FUT8: variants seen among roughly 807,000 people sequenced by gnomAD.
FUT8 encodes the protein alpha-(1,6)-fucosyltransferase.
Under a neutral mutation model 71.3 loss-of-function variants are expected in FUT8, and 29 were observed. The observed-to-expected ratio is 0.41, with a 90% CI of 0.30 to 0.55. The LOEUF is 0.55. Among genes scored for constraint, FUT8 ranks in the 20% least tolerant of loss-of-function variants. The probability of loss-of-function intolerance (pLI) is 0.34; values close to 1 mark genes in which losing one functional copy is unlikely to be tolerated. For synonymous variants in FUT8, 254 were observed against 239.3 expected, an observed-to-expected ratio of 1.06 and a Z score of -0.57; for missense variants, 544 against 702.1, an observed-to-expected ratio of 0.77 and a Z score of 2.55.
intron 7 of FUT8, among the ~76,000 whole-genome samples, chr14:65,690,629 ATCTC>A (rs58811272): frequency 2.0e-4 from 29 of 144,832 alleles, no homozygotes; most frequent in Admixed American, 7.5e-4. Flanking sequence ...TCATCCCTTT[ATCTC>A]TCTCTCTCTC....
At chr14:65,422,989 T>C (rs1249990808) in intron 1 of FUT8, among the ~76,000 whole-genome samples, 3 of 148,024 alleles carry the variant, frequency 2.0e-5, no homozygotes, top group Middle Eastern at 3.2e-3. Context: ...TCTTTCTTTT[T>C]TTTTTTTTTT....
intron 3 of FUT8, among the ~76,000 whole-genome samples, chr14:65,580,512 A>T (rs1271943514): frequency 6.6e-6 from 1 of 151,986 alleles, no homozygotes; most frequent in Non-Finnish European, 1.5e-5. Flanking sequence ...TGTATATAAC[A>T]CACTATGTAT....
intron 6 of FUT8, among the ~76,000 whole-genome samples, chr14:65,656,114 A>G (rs1018926505): frequency 6.6e-6 from 1 of 152,200 alleles, no homozygotes; most frequent in African/African-American, 2.4e-5. Flanking sequence ...TAGAGTAATC[A>G]GACAAGAGAA....
chr14:65,568,237 C>T (rs1365857749), intron 3 of FUT8, among the ~76,000 whole-genome samples: 1 of 151,530 alleles, frequency 6.6e-6, no homozygotes, highest in Non-Finnish European at 1.5e-5. Context: ...ATTTTCTTCT[C>T]CATACTTGTA....
At chr14:65,661,371 A>G (rs1891956023) in intron 6 of FUT8, among the ~76,000 whole-genome samples, 1 of 152,178 alleles carries the variant, frequency 6.6e-6, no homozygotes, top group Non-Finnish European at 1.5e-5. Context: ...ATGACTATGG[A>G]CTTGACATCA....
At chr14:65,372,935 T>C in the FUT8 span, among the ~76,000 whole-genome samples, 1 of 152,164 alleles carries the variant, frequency 6.6e-6, no homozygotes, top group Non-Finnish European at 1.5e-5. Flanking sequence ...TGTATGAGAA[T>C]GAGGCACTAA....
chr14:65,620,109 G>A (rs1370543483), intron 5 of FUT8, among the ~76,000 whole-genome samples: 1 of 151,976 alleles, frequency 6.6e-6, no homozygotes, highest in Non-Finnish European at 1.5e-5. Context: ...TATGAAAAGG[G>A]TACCAAAGCT....
At chr14:65,676,090 G>A (rs1382994992) in intron 7 of FUT8, among the ~76,000 whole-genome samples, 1 of 152,202 alleles carries the variant, frequency 6.6e-6, no homozygotes, top group Non-Finnish European at 1.5e-5. Context: ...TTCTAGCTAT[G>A]TGAAGCACTT....
chr14:65,405,556 A>G, the FUT8 span, among the ~76,000 whole-genome samples: 1 of 152,232 alleles, frequency 6.6e-6, no homozygotes, highest in Non-Finnish European at 1.5e-5. Context: ...ATAATAGAGC[A>G]TATTATTGCA....
intron 2 of FUT8, among the ~76,000 whole-genome samples, chr14:65,501,100 C>G (rs962794394): frequency 6.6e-6 from 1 of 152,128 alleles, no homozygotes; most frequent in Middle Eastern, 3.2e-3. Flanking sequence ...GCCATGATGG[C>G]TCAGTTAGGA....
intron 7 of FUT8, 51 bp from the exon 8 acceptor site, chr14:65,721,724 G>T (rs754927356): frequency 1.9e-6 from 3 of 1,575,642 alleles, no homozygotes; most frequent in Non-Finnish European, 1.7e-6. Context: ...TTGAATGGTG[G>T]ATGTATAAGG....
At chr14:65,365,204 G>T in the FUT8 span, among the ~76,000 whole-genome samples, 1 of 152,102 alleles carries the variant, frequency 6.6e-6, no homozygotes, top group East Asian at 1.9e-4. Context: ...TAGACCCTCA[G>T]CTGCTTTGTA....
intron 6 of FUT8, among the ~76,000 whole-genome samples, chr14:65,655,718 A>G (rs1891647135): frequency 6.6e-6 from 1 of 152,308 alleles, no homozygotes; most frequent in African/African-American, 2.4e-5. Context: ...TCTTTCAATA[A>G]TTGATGGAAG....
At chr14:65,681,731 A>C (rs1258310136) in intron 7 of FUT8, among the ~76,000 whole-genome samples, 1 of 152,218 alleles carries the variant, frequency 6.6e-6, no homozygotes, top group Admixed American at 6.5e-5. Flanking sequence ...ATCACATTAC[A>C]GTAATAGCTA....
the FUT8 span, among the ~76,000 whole-genome samples, chr14:65,373,750 T>G: frequency 6.6e-6 from 1 of 152,136 alleles, no homozygotes; most frequent in African/African-American, 2.4e-5. Context: ...CAGAGAAAAA[T>G]TCTTCCATTC....
At chr14:65,558,325 CAAAAAA>C (rs67556145) in intron 2 of FUT8, among the ~76,000 whole-genome samples, 1 of 118,192 alleles carries the variant, frequency 8.5e-6, no homozygotes. Flanking sequence ...GAGCGAGACT[CAAAAAA>C]AAAAAAAAAA....
chr14:65,658,354 T>A (rs940649450), intron 6 of FUT8, among the ~76,000 whole-genome samples: 1 of 152,156 alleles, frequency 6.6e-6, no homozygotes, highest in African/African-American at 2.4e-5. Flanking sequence ...TGTAAAATGG[T>A]ACAGCCATTC....
At chr14:65,587,404 T>G (rs1485975881) in intron 3 of FUT8, among the ~76,000 whole-genome samples, 1 of 152,196 alleles carries the variant, frequency 6.6e-6, no homozygotes, top group Non-Finnish European at 1.5e-5. Flanking sequence ...TTTTGAATCT[T>G]TGGTAACTGA....
chr14:65,557,124 T>G (rs1021846459), intron 2 of FUT8, among the ~76,000 whole-genome samples: 8 of 152,212 alleles, frequency 5.3e-5, no homozygotes, highest in African/African-American at 1.9e-4. Context: ...TTAAGTCTCC[T>G]TATCTTACTG....
Sources: allele counts gnomAD v4.1 joint callset (sites outside exome capture counted in the v4.1 genomes callset), GRCh38; gene constraint gnomAD v4.1.1; transcripts MANE v1.5; gene names NCBI Gene and HGNC (gene_info 2026-07-23, HGNC 2026-07-21).